DNAH8: variants seen among roughly 807,000 people sequenced by gnomAD.
The protein encoded by DNAH8 is axonemal beta dynein heavy chain 8.
A neutral mutation model predicts 562.1 loss-of-function variants in DNAH8; 382 were observed. The observed-to-expected ratio is 0.68, with a 90% CI of 0.63 to 0.74. DNAH8 has a LOEUF of 0.74. Ranked by LOEUF, DNAH8 falls within the 30% of genes least tolerant of loss-of-function variation. The pLI, the probability that DNAH8 is intolerant of heterozygous loss-of-function variation, is 0.00. For synonymous variants in DNAH8, 1,881 were observed against 1,919.4 expected, an observed-to-expected ratio of 0.98 and a Z score of 0.52; for missense variants, 5,203 against 5,620.4, an observed-to-expected ratio of 0.93 and a Z score of 2.37.
chr6:38,768,650 C>T (rs1197155931), intron 11 of DNAH8, among the ~76,000 whole-genome samples: 1 of 151,810 alleles, frequency 6.6e-6, no homozygotes, highest in Non-Finnish European at 1.5e-5. Flanking sequence ...GGGGAATTTC[C>T]CCAATTTGTC....
chr6:38,779,523 T>C (rs73420221), intron 14 of DNAH8, among the ~76,000 whole-genome samples: 3,425 of 152,304 alleles, frequency 0.022, 144 homozygotes, highest in African/African-American at 0.075. Context: ...CTGACAAAGT[T>C]GTTTTTGTGA....
chr6:38,869,167 G>A (rs552477525), intron 48 of DNAH8, among the ~76,000 whole-genome samples: 15 of 152,264 alleles, frequency 9.9e-5, no homozygotes, highest in African/African-American at 3.1e-4. Context: ...CAGGTGTATC[G>A]TCTTATTTGA....
At position 38,938,148 on chromosome 6, in the gene DNAH8, C is replaced by G. The variant is rs1783121858; in HGVS notation, c.11738C>G (p.Thr3913Arg). ...GGAAGCATCCTCTACTTCCTCATCA[C>G]AGAGATGAGCATGGTCAACATCATG... ...TRGSILYFLI[T>R]EMSMVNIMYQ... The change falls in exon 78 of 93, where the codon ACA (threonine) becomes AGA (arginine). Residue 3913 changes from threonine (T) to arginine (R), a missense_variant. This residue lies in a region of DNAH8 where 1,399 missense variants were observed against 1,518.4 expected (regional missense o/e 0.92). Coordinates refer to ENST00000327475, the MANE Select transcript of DNAH8 (RefSeq NM_001206927.2). 1.9e-6 allele frequency: 3 copies of G among 1,614,000 alleles called. No individual in the cohort carries two copies. Among genetic ancestry groups the G allele is most frequent in the Admixed American group, 1.7e-5 (1 of 59,986 alleles).
chr6:39,030,326 A>G lies in DNAH8; in HGVS notation c.14058A>G (p.Leu4686=), dbSNP rs1315301429. ...TGACCTTCATCACTGTGGTATATTT[A>G]CGAACAGTGTTGTCCCCGGATCACT... ...TDLTFITVVY[L]RTVLSPDHWI... The change falls in exon 93 of 93, where the codon TTA becomes TTG. Residue 4686 remains leucine, a synonymous_variant. Coordinates refer to ENST00000327475, the MANE Select transcript of DNAH8 (RefSeq NM_001206927.2). 1 of 1,614,116 alleles carries G rather than the reference A, an allele frequency of 6.2e-7. No homozygotes were observed. The highest frequency in any genetic ancestry group is 1.1e-5 in the South Asian group (1 of 91,088).
intron 9 of DNAH8, among the ~76,000 whole-genome samples, chr6:38,754,862 G>T (rs1223444948): frequency 6.6e-6 from 1 of 152,022 alleles, no homozygotes; most frequent in Non-Finnish European, 1.5e-5. Flanking sequence ...TAGTCAGTTA[G>T]GTTTTGTGAA....
At chr6:38,825,773 C>A (rs1249847868) in intron 28 of DNAH8, among the ~76,000 whole-genome samples, 2 of 152,110 alleles carry the variant, frequency 1.3e-5, no homozygotes, top group African/African-American at 2.4e-5. Context: ...CATGGCTTGA[C>A]ACACAAAACA....
At chr6:38,865,464 T>C (rs1207880953) in intron 45 of DNAH8, among the ~76,000 whole-genome samples, 1 of 152,174 alleles carries the variant, frequency 6.6e-6, no homozygotes, top group Non-Finnish European at 1.5e-5. Flanking sequence ...AAGCTGTGAG[T>C]AACTGAAACC....
At position 38,909,559 on chromosome 6, in the gene DNAH8, C is replaced by A. The variant is rs1780725116; in HGVS notation, c.9555C>A (p.Gly3185=). 6.2e-7 allele frequency: 1 copy of A among 1,613,982 alleles called. No homozygotes were observed. Among genetic ancestry groups the A allele is most frequent in the Non-Finnish European group, 8.5e-7 (1 of 1,180,000 alleles). Residue 3185 remains glycine (G), a synonymous_variant, in exon 65 of 93, where the codon GGC becomes GGA. Transcript: ENST00000327475. ...GTGCCCGTTCTTTGAAATTTCCTGG[C>A]TTGATATCAGGTTGCACTATGGACT... ...KFRARSLKFP[G]LISGCTMDWF... is the part of the protein sequence containing the mutation.
In DNAH8 at chr6:38,790,280, C is replaced by A. The variant is rs184426914; in HGVS notation, c.2665-9C>A. On this transcript the variant is annotated splice_polypyrimidine_tract_variant and intron_variant, in intron 19 of 92. Coordinates refer to ENST00000327475, the MANE Select transcript of DNAH8 (RefSeq NM_001206927.2). ...ATAATAGAAGCAGTTGTGTTTTTACCGTTTCTAGGTGGAATCTGTGTTGAG... is the reference window on the plus strand; with the variant it reads ...ATAATAGAAGCAGTTGTGTTTTTACAGTTTCTAGGTGGAATCTGTGTTGAG... The A allele has an allele frequency of 2.0e-6, 3 of 1,511,640 alleles. No individual in the cohort carries two copies. The highest frequency in any genetic ancestry group is 2.7e-6 in the Non-Finnish European group (3 of 1,091,088). The allele number at this position is 1,511,640 out of a possible 1,614,324, so 93.6% of individuals were successfully genotyped here.
At chr6:38,787,130 T>C (rs1235344749) in intron 18 of DNAH8, among the ~76,000 whole-genome samples, 178 bp downstream of exon 18, 1 of 151,884 alleles carries the variant, frequency 6.6e-6, no homozygotes, top group Non-Finnish European at 1.5e-5. Context: ...AGATTGGAAA[T>C]GGAAAGCAAA....
chr6:38,901,258 C>T (rs1028207050), intron 62 of DNAH8, among the ~76,000 whole-genome samples: 1 of 151,872 alleles, frequency 6.6e-6, no homozygotes, highest in Non-Finnish European at 1.5e-5. Context: ...TCTTTGTTTA[C>T]CCTAAGGGCA....
Position 39,012,544 on chromosome 6 carries a change from A to G in DNAH8, c.13621A>G (p.Thr4541Ala), listed in dbSNP as rs781410557. 6 of 1,614,066 alleles carry G rather than the reference A, an allele frequency of 3.7e-6. No homozygotes were observed. In the South Asian group the frequency reaches 4.4e-5, roughly 12 times the overall value. The change falls in exon 91 of 93, where the codon ACT becomes GCT. Residue 4541 changes from threonine (T) to alanine (A), a missense_variant. Thr to Ala is a moderately conservative substitution (Grantham distance 58). Coordinates refer to ENST00000327475, the MANE Select transcript of DNAH8 (RefSeq NM_001206927.2). ...TTCGTCCACACTGGGCTTCTGGTTC[A>G]CTGAACTTTTGGAAAGAAATGCTCA... is the stretch of plus-strand genomic sequence containing the variant. ...WDSSTLGFWF[T>A]ELLERNAQFS...
intron 11 of DNAH8, among the ~76,000 whole-genome samples, chr6:38,766,405 AAG>A (rs1384559852): frequency 5.9e-5 from 9 of 152,194 alleles, no homozygotes; most frequent in African/African-American, 2.2e-4. Context: ...ATATTGGTGA[AAG>A]AGTACAAATT....
chr6:38,844,140 G>A (rs925040156), intron 35 of DNAH8, among the ~76,000 whole-genome samples: 1 of 151,940 alleles, frequency 6.6e-6, no homozygotes, highest in Non-Finnish European at 1.5e-5. Context: ...TTAGACCCCA[G>A]CCCAGGTACT....
intron 35 of DNAH8, 69 bp downstream of exon 35, chr6:38,842,972 G>A (rs1583162271): frequency 1.3e-6 from 2 of 1,534,040 alleles, no homozygotes; most frequent in East Asian, 4.5e-5. Flanking sequence ...TCTGGGAGTT[G>A]TACAGATATT....
chr6:38,903,654 A>C (rs1583312851), intron 62 of DNAH8, among the ~76,000 whole-genome samples: 1 of 136,278 alleles, frequency 7.3e-6, no homozygotes, highest in African/African-American at 2.8e-5. Context: ...ACTCTGTCAC[A>C]CAGGCTGGAG....
At chr6:38,748,063 G>C (rs9462454) in intron 8 of DNAH8, among the ~76,000 whole-genome samples, 1 of 152,140 alleles carries the variant, frequency 6.6e-6, no homozygotes, top group Non-Finnish European at 1.5e-5. Context: ...ATTGTTTCTA[G>C]TTTGGGGTTA....
chr6:38,875,498 C>G lies in DNAH8; in HGVS notation c.7621-93C>G, dbSNP rs1777923988. The G allele has an allele frequency of 3.9e-6, 3 of 767,456 alleles. No individual in the cohort carries two copies. The South Asian group carries it at 7.3e-5, about 19-fold the overall frequency. 47.5% of individuals were successfully genotyped at this position (767,456 alleles called of 1,614,324 possible). On this transcript the variant is annotated intron_variant, in intron 52 of 92. Coordinates refer to ENST00000327475, the MANE Select transcript of DNAH8 (RefSeq NM_001206927.2). ...CTTGAGATATATCTATTTTTCTTCT[C>G]TCTTCCTTCCTCCTTTTAATTTTAC... is the stretch of plus-strand genomic sequence containing the variant.
At chr6:38,724,705 C>A (rs913955360) in intron 3 of DNAH8, among the ~76,000 whole-genome samples, 1 of 152,204 alleles carries the variant, frequency 6.6e-6, no homozygotes, top group African/African-American at 2.4e-5. Flanking sequence ...TGTGTCATAG[C>A]TTCCCTCGCG....
Sources: gnomAD v4.1 joint callset for allele counts (sites outside exome capture counted in the v4.1 genomes callset) on GRCh38, gnomAD v4.1.1 for gene constraint, gnomAD v4.1.1 regional missense constraint, MANE v1.5 for transcripts, NCBI Gene and HGNC (gene_info 2026-07-23, HGNC 2026-07-21) for gene names.